COL19A1: variants seen among roughly 807,000 people sequenced by gnomAD.
COL19A1 encodes collagen alpha-1(XIX) chain.
COL19A1 carries 159 observed loss-of-function variants against 190.2 expected under a neutral mutation model. That is an observed-to-expected ratio of 0.84 (90% confidence interval 0.73 to 0.95). The LOEUF (loss-of-function observed/expected upper bound fraction) is 0.95. COL19A1 is among the 40% of genes least tolerant of loss of function. COL19A1 has a pLI of 0.00. For synonymous variants in COL19A1, 509 were observed against 458.9 expected, an observed-to-expected ratio of 1.11 and a Z score of -1.39; for missense variants, 1,418 against 1,431.9, an observed-to-expected ratio of 0.99 and a Z score of 0.16.
chr6:70,145,839 G>A (rs1786602014), intron 25 of COL19A1, among the ~76,000 whole-genome samples: 1 of 148,532 alleles, frequency 6.7e-6, no homozygotes, highest in Admixed American at 6.8e-5. Flanking sequence ...TCCCACCCCA[G>A]CCTCCTGAAT....
At chr6:70,196,731 C>T (rs554617845) in intron 48 of COL19A1, among the ~76,000 whole-genome samples, 2 of 152,294 alleles carry the variant, frequency 1.3e-5, no homozygotes, top group East Asian at 3.9e-4. Context: ...TTTATGCATG[C>T]TTATATCGGA....
chr6:69,936,511 A>T (rs547745818), intron 7 of COL19A1, among the ~76,000 whole-genome samples: 17 of 152,264 alleles, frequency 1.1e-4, no homozygotes, highest in Admixed American at 2.6e-4. Context: ...TTCTGTACTT[A>T]TCAAAAAGTT....
intron 5 of COL19A1, 135 bp from the exon 6 acceptor site, chr6:69,929,290 G>T: frequency 1.2e-6 from 1 of 833,494 alleles, no homozygotes; most frequent in Non-Finnish European, 1.8e-6. Flanking sequence ...AAACCTGGTG[G>T]ACACAAGTGT....
chr6:70,108,207 C>T (rs1784082514), intron 16 of COL19A1, among the ~76,000 whole-genome samples: 1 of 152,122 alleles, frequency 6.6e-6, no homozygotes. Flanking sequence ...TTCATCATTA[C>T]TGGAAAAAGC....
intron 14 of COL19A1, among the ~76,000 whole-genome samples, chr6:70,053,550 C>G (rs565934110): frequency 6.6e-6 from 1 of 152,150 alleles, no homozygotes; most frequent in Non-Finnish European, 1.5e-5. Flanking sequence ...CTGACACAAC[C>G]TTACCTTATT....
chr6:69,926,270 T>C (rs185080330), intron 4 of COL19A1, among the ~76,000 whole-genome samples: 27 of 152,296 alleles, frequency 1.8e-4, no homozygotes, highest in Admixed American at 1.7e-3. Context: ...TATGCAAAAC[T>C]ATGTACAGAT....
chr6:69,933,929 C>T (rs956227223), intron 7 of COL19A1, among the ~76,000 whole-genome samples: 23 of 151,876 alleles, frequency 1.5e-4, no homozygotes, highest in Non-Finnish European at 1.5e-5. Context: ...ACAGAAAGAG[C>T]ATATGAAAAG....
chr6:69,896,577 C>T (rs1046362756), intron 2 of COL19A1, among the ~76,000 whole-genome samples: 36 of 135,144 alleles, frequency 2.7e-4, no homozygotes, highest in African/African-American at 9.8e-4. Flanking sequence ...AAAAATACTG[C>T]CAAACAGTTT....
intron 48 of COL19A1, among the ~76,000 whole-genome samples, chr6:70,194,357 T>A (rs1399407706): frequency 6.6e-6 from 1 of 152,114 alleles, no homozygotes; most frequent in African/African-American, 2.4e-5. Context: ...CCTACAAATC[T>A]CAAACCTTGA....
Position 70,086,641 on chromosome 6 carries a change from C to T in COL19A1, c.1225-15528C>T, listed in dbSNP as rs575812867. 1.8e-4 allele frequency among the ~76,000 whole-genome samples: 28 copies of T among 152,246 alleles called. No homozygotes were observed. The South Asian group carries it at 3.9e-3, about 21-fold the overall frequency. Reference sequence around the variant, plus strand: ...TTCAAATTTTTTACAAAGGTTTTATCTCATGTTATCTACAGCAAAAACAAA... The same window carrying T: ...TTCAAATTTTTTACAAAGGTTTTATTTCATGTTATCTACAGCAAAAACAAA... On this transcript the variant is annotated intron_variant, in intron 15 of 50. Coordinates refer to ENST00000620364, the MANE Select transcript of COL19A1 (RefSeq NM_001858.6).
intron 2 of COL19A1, 101 bp from the exon 3 acceptor site, chr6:69,898,847 G>T: frequency 1.4e-6 from 1 of 715,660 alleles, no homozygotes. Flanking sequence ...TTTAATAAAT[G>T]GTTTAATTTA....
At chr6:70,009,146 C>A (rs1052997179) in intron 11 of COL19A1, among the ~76,000 whole-genome samples, 1 of 151,788 alleles carries the variant, frequency 6.6e-6, no homozygotes, top group African/African-American at 2.4e-5. Context: ...CCTGGAGGTT[C>A]TAGCCAGTGT....
chr6:70,119,395 C>A (rs1237983464), intron 16 of COL19A1, among the ~76,000 whole-genome samples: 1 of 152,180 alleles, frequency 6.6e-6, no homozygotes, highest in Non-Finnish European at 1.5e-5. Context: ...CCTCCTGCAC[C>A]AAGCACTGTG....
At chr6:69,874,679 A>T (rs1222788018) in intron 1 of COL19A1, among the ~76,000 whole-genome samples, 1 of 152,112 alleles carries the variant, frequency 6.6e-6, no homozygotes, top group Non-Finnish European at 1.5e-5. Flanking sequence ...TGAACCCAGG[A>T]GGCGGAGCTT....
chr6:69,938,143 T>TA, intron 9 of COL19A1, 43 bp downstream of exon 9: 1 of 1,572,450 alleles, frequency 6.4e-7, no homozygotes, highest in Non-Finnish European at 8.7e-7. Flanking sequence ...AGGGTTTTGT[T>TA]AAAAAATGAC....
chr6:70,205,026 A>G (rs1039276684), intron 49 of COL19A1, among the ~76,000 whole-genome samples: 5 of 152,216 alleles, frequency 3.3e-5, no homozygotes, highest in African/African-American at 1.2e-4. Context: ...ATTTCAATAT[A>G]GATCAACTAT....
At chr6:70,067,183 G>C (rs1432488882) in intron 14 of COL19A1, among the ~76,000 whole-genome samples, 1 of 152,124 alleles carries the variant, frequency 6.6e-6, no homozygotes, top group Admixed American at 6.6e-5. Flanking sequence ...ATCAAGCCTG[G>C]TTTTCTTAAG....
intron 9 of COL19A1, among the ~76,000 whole-genome samples, chr6:69,958,927 C>G (rs1367167298): frequency 6.6e-6 from 1 of 152,030 alleles, no homozygotes; most frequent in African/African-American, 2.4e-5. Flanking sequence ...TAGCTAATTG[C>G]TTTCTAGGGA....
At chr6:70,072,463 C>G (rs76148555) in intron 15 of COL19A1, among the ~76,000 whole-genome samples, 1,998 of 152,248 alleles carry the variant, frequency 0.013, 45 homozygotes, top group African/African-American at 0.046. Context: ...ACACCTCACT[C>G]TTGCACTCTG....
Sources: allele counts gnomAD v4.1 joint callset (sites outside exome capture counted in the v4.1 genomes callset), GRCh38; gene constraint gnomAD v4.1.1; transcripts MANE v1.5; gene names NCBI Gene and HGNC (gene_info 2026-07-23, HGNC 2026-07-21).